The following TPM1 variants were observed in gnomAD, a reference collection of about 807,000 sequenced individuals.
TPM1 encodes tropomyosin alpha-1 chain.
In TPM1, 24 loss-of-function variants were observed where a neutral mutation model predicts 42.9. The ratio of observed to expected loss-of-function variants is 0.56; its 90% CI spans 0.41 to 0.79. The LOEUF (loss-of-function observed/expected upper bound fraction) is 0.79, where lower values mean the gene tolerates loss of function less well. Among genes scored for constraint, TPM1 ranks in the 30% least tolerant of loss-of-function variants. The pLI is 0.00. For synonymous variants in TPM1, 136 were observed against 130.1 expected, an observed-to-expected ratio of 1.05 and a Z score of -0.31; for missense variants, 158 against 351.8, an observed-to-expected ratio of 0.45 and a Z score of 4.41.
chr15:63,061,869 A>G (rs587777906), intron 6 of TPM1, 81 bp downstream of exon 6: 7 of 1,252,716 alleles, frequency 5.6e-6, no homozygotes, highest in Non-Finnish European at 8.1e-6. Context: ...CAACACTTAC[A>G]GTAGACATTT....
intron 7 of TPM1, 44 bp from the exon 8 acceptor site, chr15:63,062,532 G>A (rs756698833): frequency 6.2e-7 from 1 of 1,603,432 alleles, no homozygotes; most frequent in Non-Finnish European, 8.5e-7. Flanking sequence ...GTAGCTACAG[G>A]AAACATAAAA....
intron 3 of TPM1, among the ~76,000 whole-genome samples, chr15:63,057,433 T>C (rs151100938): frequency 6.6e-6 from 1 of 152,332 alleles, no homozygotes; most frequent in African/African-American, 2.4e-5. Flanking sequence ...AGTTGGCCCT[T>C]TCACTCCTAC....
Position 63,062,238 on chromosome 15 carries a change from T to A in TPM1, c.663T>A (p.Tyr221Ter), listed in dbSNP as rs774859181. The change falls in exon 7 of 10, where the codon TAT (tyrosine) becomes TAA (stop). Residue 221 changes from tyrosine to a stop codon, truncating the protein, a stop_gained. Transcript: ENST00000403994. LOFTEE classifies it high-confidence loss of function. ...AGTACTCGCAGAAGGAAGACAGATATGAGGAAGAGATCAAGGTCCTTTCCG... is the reference window on the plus strand; with the variant it reads ...AGTACTCGCAGAAGGAAGACAGATAAGAGGAAGAGATCAAGGTCCTTTCCG... Reference protein sequence around the residue: ...AEKYSQKEDRYEEEIKVLSDK... With the variant: ...AEKYSQKEDR The A allele has an allele frequency of 1.2e-6, 2 of 1,614,116 alleles. No homozygotes were observed. Among genetic ancestry groups the A allele is most frequent in the Non-Finnish European group, 1.7e-6 (2 of 1,180,006 alleles).
chr15:63,056,994 G>A lies in TPM1; in HGVS notation c.250G>A (p.Asp84Asn), dbSNP rs754664923. The A allele has an allele frequency of 2.5e-6, 4 of 1,614,190 alleles. No homozygotes were observed. The highest frequency in any genetic ancestry group is 2.2e-5 in the South Asian group (2 of 91,078). ...AEKKATDAEA[D>N]VASLNRRIQL... Reference sequence around the variant, plus strand: ...TTCACTCTCTACCTAGGCTGAAGCCGACGTAGCTTCTCTGAACAGACGCAT... The same window carrying A: ...TTCACTCTCTACCTAGGCTGAAGCCAACGTAGCTTCTCTGAACAGACGCAT... The change falls in exon 3 of 10, where the codon GAC becomes AAC. Residue 84 changes from aspartate to asparagine, a missense_variant. By Grantham distance (23) the Asp-to-Asn change is conservative (BLOSUM62 1). Around this residue, in one of 4 missense-constraint regions of TPM1, gnomAD observed 65 missense variants for 208.8 expected, o/e 0.31. Transcript: ENST00000403994.
At chr15:63,053,305 G>C (rs1010019499) in intron 2 of TPM1, among the ~76,000 whole-genome samples, 1 of 152,190 alleles carries the variant, frequency 6.6e-6, no homozygotes, top group African/African-American at 2.4e-5. Flanking sequence ...GGGAGTTGGG[G>C]TGGGGGCCGG....
In TPM1 at chr15:63,062,988, A is replaced by C. The variant is rs796242318; in HGVS notation, c.772+343A>C. 1.0e-5 allele frequency: 14 copies of C among 1,375,984 alleles called. No individual in the cohort carries two copies. The African/African-American group carries it at 2.0e-4, about 20-fold the overall frequency. The allele number at this position is 1,375,984 out of a possible 1,614,324, so 85.2% of individuals were successfully genotyped here. ...TATCTTTAGTGTTACTTCCTAATTA[A>C]ATTGGGAATGATGTGGTGATTGTGG... On this transcript the variant is annotated intron_variant, in intron 8 of 9. Coordinates refer to ENST00000403994, the MANE Select transcript of TPM1 (RefSeq NM_001018005.2).
At chr15:63,058,018 C>T (rs1257756212) in intron 3 of TPM1, among the ~76,000 whole-genome samples, 15 of 152,144 alleles carry the variant, frequency 9.9e-5, no homozygotes, top group Admixed American at 9.8e-4. Flanking sequence ...GACCCTACCA[C>T]TAGGTACCAG....
At chr15:63,043,527 G>A (rs1433095309) in intron 1 of TPM1, 2 of 997,104 alleles carry the variant, frequency 2.0e-6, no homozygotes, top group Non-Finnish European at 1.5e-6. Flanking sequence ...GTGGGTGTGC[G>A]GGGTGAGCCG....
exon 9 of TPM1, chr15:63,071,312 G>A (rs2036598875): frequency 1.0e-6 from 1 of 979,676 alleles, no homozygotes; most frequent in Non-Finnish European, 1.5e-6. Flanking sequence ...TCAGGGGGTG[G>A]GGAAAACACA....
chr15:63,043,395 C>G (rs937928635), intron 1 of TPM1: 1 of 604,754 alleles, frequency 1.7e-6, no homozygotes, highest in African/African-American at 1.8e-5. Context: ...TACCTAAGAA[C>G]AAAGATGGGG....
chr15:63,070,799 C>T, downstream of TPM1: 1 of 1,227,900 alleles, frequency 8.1e-7, no homozygotes, highest in South Asian at 1.6e-5. Context: ...TCCCACGGCA[C>T]ACCGTCAGTG....
downstream of TPM1, chr15:63,070,969 A>T (rs1052440232): frequency 2.6e-6 from 4 of 1,550,114 alleles, no homozygotes; most frequent in African/African-American, 4.1e-5. Context: ...TCTTACAAGC[A>T]TGCCTAGTTC....
chr15:63,059,916 T>A (rs1403570559), intron 4 of TPM1: 2 of 375,374 alleles, frequency 5.3e-6, no homozygotes, highest in African/African-American at 4.2e-5. Flanking sequence ...GGACCAAAAC[T>A]CCTCTCCCCC....
intron 1 of TPM1, chr15:63,043,691 C>T (rs1376996208): frequency 2.6e-6 from 4 of 1,542,954 alleles, no homozygotes; most frequent in East Asian, 2.4e-5. Flanking sequence ...CGCGCCCGCC[C>T]GCCGCTGCCC....
At chr15:63,057,448 C>G (rs970764351) in intron 3 of TPM1, among the ~76,000 whole-genome samples, 1 of 152,146 alleles carries the variant, frequency 6.6e-6, no homozygotes, top group Non-Finnish European at 1.5e-5. Flanking sequence ...TCCTACTGAC[C>G]ACAGAGCAAT....
intron 9 of TPM1, chr15:63,065,473 C>T (rs1411177029): frequency 5.1e-6 from 5 of 985,424 alleles, no homozygotes; most frequent in Non-Finnish European, 6.0e-6. Context: ...AGAGACATGA[C>T]TGTTGCCATG....
chr15:63,057,397 T>C (rs1660754463), intron 3 of TPM1, among the ~76,000 whole-genome samples: 2 of 152,210 alleles, frequency 1.3e-5, no homozygotes, highest in Non-Finnish European at 2.9e-5. Flanking sequence ...GAGACAGACA[T>C]GTAAAGGAGA....
At chr15:63,050,140 G>C (rs1224764968) in intron 2 of TPM1, among the ~76,000 whole-genome samples, 3 of 152,230 alleles carry the variant, frequency 2.0e-5, no homozygotes, top group Non-Finnish European at 4.4e-5. Flanking sequence ...TGGCGCAAAA[G>C]GGTAAGTGCT....
chr15:63,061,487 G>A (rs578062939), intron 5 of TPM1: 51 of 717,180 alleles, frequency 7.1e-5, no homozygotes, highest in Non-Finnish European at 1.2e-4. Flanking sequence ...CCAAATTATC[G>A]CACTTCAAAG....
Sources: gnomAD v4.1 joint callset for allele counts (sites outside exome capture counted in the v4.1 genomes callset) on GRCh38, gnomAD v4.1.1 for gene constraint, gnomAD v4.1.1 regional missense constraint, MANE v1.5 for transcripts, NCBI Gene and HGNC (gene_info 2026-07-23, HGNC 2026-07-21) for gene names.